The following ALK variants were observed in gnomAD, a reference collection of about 807,000 sequenced individuals.
ALK encodes ALK tyrosine kinase receptor.
ALK carries 74 observed loss-of-function variants against 163.1 expected under a neutral mutation model. The ratio of observed to expected loss-of-function variants is 0.45; its 90% CI spans 0.38 to 0.55. ALK has a LOEUF of 0.55. ALK is among the 20% of genes least tolerant of loss of function. The pLI is 0.00. For missense variants in ALK, 2,063 were observed against 2,105.3 expected (o/e 0.98, Z 0.39); for synonymous variants, 960 against 843.2 (o/e 1.14, Z -2.40).
At chr2:29,325,108 T>C (rs1667212981) in intron 6 of ALK, among the ~76,000 whole-genome samples, 1 of 152,122 alleles carries the variant, frequency 6.6e-6, no homozygotes, top group Non-Finnish European at 1.5e-5. Flanking sequence ...GTTGATTAAA[T>C]GCAACCTACT....
chr2:29,663,198 T>C (rs1478783383), intron 3 of ALK, among the ~76,000 whole-genome samples: 1 of 152,204 alleles, frequency 6.6e-6, no homozygotes, highest in Non-Finnish European at 1.5e-5. Context: ...CATATTCATC[T>C]TCCTGAGCAA....
At chr2:29,647,610 C>G (rs1167039325) in intron 3 of ALK, among the ~76,000 whole-genome samples, 1 of 152,032 alleles carries the variant, frequency 6.6e-6, no homozygotes, top group Non-Finnish European at 1.5e-5. Flanking sequence ...GAAGAAGCGT[C>G]CGGAATTGAG....
At chr2:29,774,290 C>G (rs1006795839) in intron 1 of ALK, among the ~76,000 whole-genome samples, 5 of 152,164 alleles carry the variant, frequency 3.3e-5, no homozygotes, top group African/African-American at 1.2e-4. Context: ...TCCAACCACC[C>G]TCCCCTGCCA....
chr2:29,701,050 G>T (rs1445106148), intron 2 of ALK, among the ~76,000 whole-genome samples: 2 of 152,220 alleles, frequency 1.3e-5, no homozygotes, highest in African/African-American at 4.8e-5. Flanking sequence ...CACTCAAGGA[G>T]ATTGCATGTA....
At chr2:29,778,937 C>T (rs1164105215) in intron 1 of ALK, among the ~76,000 whole-genome samples, 2 of 151,970 alleles carry the variant, frequency 1.3e-5, no homozygotes, top group Admixed American at 6.5e-5. Flanking sequence ...AAGCAGATCA[C>T]GAGGTCAGGA....
At chr2:29,388,900 G>C (rs889252427) in intron 4 of ALK, among the ~76,000 whole-genome samples, 2 of 152,162 alleles carry the variant, frequency 1.3e-5, no homozygotes, top group African/African-American at 4.8e-5. Flanking sequence ...AATTATGTTA[G>C]AACATCCCTA....
intron 2 of ALK, among the ~76,000 whole-genome samples, chr2:29,697,380 G>A (rs1290433521): frequency 6.6e-6 from 1 of 152,174 alleles, no homozygotes; most frequent in Non-Finnish European, 1.5e-5. Flanking sequence ...CATGCCCTGG[G>A]ATGTTTTGTA....
chr2:29,710,163 T>C (rs1679034143), intron 2 of ALK, among the ~76,000 whole-genome samples: 1 of 152,214 alleles, frequency 6.6e-6, no homozygotes, highest in South Asian at 2.1e-4. Context: ...CCTGCCACCA[T>C]GTAAGATGTG....
intron 26 of ALK, among the ~76,000 whole-genome samples, chr2:29,198,546 A>G (rs982859654): frequency 1.3e-5 from 2 of 152,222 alleles, no homozygotes; most frequent in Admixed American, 6.5e-5. Flanking sequence ...ATGTAGGCTA[A>G]TTCTAGTAAA....
intron 4 of ALK, among the ~76,000 whole-genome samples, chr2:29,445,567 C>G (rs1670652074): frequency 6.6e-6 from 1 of 152,224 alleles, no homozygotes; most frequent in Admixed American, 6.5e-5. Flanking sequence ...AATCCCAGCA[C>G]TTCGGGAGGC....
intron 1 of ALK, among the ~76,000 whole-genome samples, chr2:29,786,186 T>G (rs1240153375): frequency 1.3e-5 from 2 of 152,178 alleles, no homozygotes; most frequent in Admixed American, 1.3e-4. Context: ...TTGCCTAGGT[T>G]AGTTTTTTTC....
At chr2:29,248,872 A>G (rs1031283385) in intron 12 of ALK, among the ~76,000 whole-genome samples, 10 of 152,264 alleles carry the variant, frequency 6.6e-5, no homozygotes, top group Admixed American at 1.3e-4. Flanking sequence ...AGGAAGTCAG[A>G]GAAAAGTCTT....
intron 1 of ALK, among the ~76,000 whole-genome samples, chr2:29,883,464 T>G (rs1013499000): frequency 5.3e-5 from 8 of 152,248 alleles, no homozygotes. Context: ...CCTGTGATAT[T>G]CCTTGGTGCA....
At chr2:29,620,483 CTCTTT>C (rs1341612055) in intron 3 of ALK, among the ~76,000 whole-genome samples, 1 of 33,508 alleles carries the variant, frequency 3.0e-5, no homozygotes, top group Non-Finnish European at 4.9e-5. Flanking sequence ...ATATACTTTT[CTCTTT>C]TTTTTTGCGG....
chr2:29,376,089 C>G (rs1668746989), intron 5 of ALK, among the ~76,000 whole-genome samples: 1 of 151,994 alleles, frequency 6.6e-6, no homozygotes, highest in African/African-American at 2.4e-5. Flanking sequence ...AAGATAACCT[C>G]TCCTCCGTCC....
intron 9 of ALK, among the ~76,000 whole-genome samples, chr2:29,291,597 G>A (rs995968338): frequency 2.6e-5 from 4 of 152,160 alleles, no homozygotes; most frequent in Non-Finnish European, 5.9e-5. Context: ...ATTAGATAAT[G>A]CATGTTAAGT....
intron 5 of ALK, among the ~76,000 whole-genome samples, chr2:29,353,131 A>G (rs2148281017): frequency 6.6e-6 from 1 of 152,306 alleles, no homozygotes; most frequent in East Asian, 1.9e-4. Flanking sequence ...GCTCCTGGGG[A>G]CAACATCACT....
Position 29,228,884 on chromosome 2 carries a change from C to G in ALK, c.2815G>C (p.Gly939Arg). 1 of 1,577,312 alleles carries G rather than the reference C, an allele frequency of 6.3e-7. No individual in the cohort carries two copies. The highest frequency in any genetic ancestry group is 1.3e-5 in the African/African-American group (1 of 74,170). ...SSGGGGGGYIGGNAASNNDPE... is the reference protein window; with the variant it reads ...SSGGGGGGYIRGNAASNNDPE... ...CACCTTGAACACGAATCATCTTTAC[C>G]TATATATCCTCCGCCTCCTCCACCT... The change falls in exon 16 of 29, where the codon GGC (glycine) becomes CGC (arginine). Residue 939 changes from glycine to arginine, a missense_variant and splice_region_variant. Gly to Arg is a moderately radical substitution (Grantham distance 125). Transcript: ENST00000389048.
At chr2:29,308,092 C>A (rs1199296799) in intron 8 of ALK, among the ~76,000 whole-genome samples, 4 of 148,094 alleles carry the variant, frequency 2.7e-5, no homozygotes, top group African/African-American at 7.5e-5. Flanking sequence ...TTTTTTTTTA[C>A]AATGAATATC....
Sources: gnomAD v4.1 joint callset for allele counts (sites outside exome capture counted in the v4.1 genomes callset) on GRCh38, gnomAD v4.1.1 for gene constraint, MANE v1.5 for transcripts, NCBI Gene and HGNC (gene_info 2026-07-23, HGNC 2026-07-21) for gene names.